Variants in ANKRD11 observed in about 807,000 individuals in gnomAD.
ANKRD11 encodes the protein ankyrin repeat domain 11, also known as ankyrin repeat domain-containing protein 11.
In ANKRD11, 17 loss-of-function variants were observed where a neutral mutation model predicts 195.7. That is an observed-to-expected ratio of 0.09 (90% CI 0.06 to 0.13). The LOEUF (loss-of-function observed/expected upper bound fraction) is 0.13. Ranked by LOEUF, ANKRD11 falls within the 10% of genes least tolerant of loss-of-function variation. ANKRD11 has a pLI of 1.00. For synonymous variants in ANKRD11, 1,953 were observed against 1,528.1 expected, an observed-to-expected ratio of 1.28 and a Z score of -6.49; for missense variants, 3,735 against 3,566.1, an observed-to-expected ratio of 1.05 and a Z score of -1.21.
At chr16:89,299,145 C>G (rs1235409489) in intron 4 of ANKRD11, 1 of 154,502 alleles carries the variant, frequency 6.5e-6, no homozygotes, top group African/African-American at 2.4e-5. Context: ...GGCAGAGAGT[C>G]AGGCTGTGGC....
chr16:89,447,127 C>T (rs2043828673), intron 1 of ANKRD11, among the ~76,000 whole-genome samples: 2 of 152,092 alleles, frequency 1.3e-5, no homozygotes, highest in Admixed American at 1.3e-4. Context: ...GCACGTCCAT[C>T]GTTCCAACTA....
chr16:89,400,927 T>A (rs551195396), intron 2 of ANKRD11, among the ~76,000 whole-genome samples: 1 of 152,214 alleles, frequency 6.6e-6, no homozygotes, highest in Non-Finnish European at 1.5e-5. Context: ...TCTCACAGGC[T>A]CCACCCTGCT....
chr16:89,445,992 A>AT (rs35107516), intron 1 of ANKRD11, among the ~76,000 whole-genome samples: 1 of 146,790 alleles, frequency 6.8e-6, no homozygotes, highest in Non-Finnish European at 1.5e-5. Context: ...AAAAAAAAAA[A>AT]TTTTTTGTTA....
intron 2 of ANKRD11, among the ~76,000 whole-genome samples, chr16:89,413,564 G>A (rs2042179477): frequency 6.6e-6 from 1 of 152,184 alleles, no homozygotes; most frequent in South Asian, 2.1e-4. Context: ...GGCGGAGCTT[G>A]CAGTGAGCCG....
At chr16:89,357,705 T>A (rs540881652) in intron 2 of ANKRD11, among the ~76,000 whole-genome samples, 13 of 152,122 alleles carry the variant, frequency 8.5e-5, no homozygotes, top group Non-Finnish European at 1.9e-4. Context: ...TCACAGCCAA[T>A]GCTGCGGACT....
In ANKRD11 at chr16:89,463,958, G is replaced by A. The variant is rs528279269; in HGVS notation, c.-145+26287C>T. Among the ~76,000 whole-genome samples the A allele has an allele frequency of 3.2e-4, 48 of 152,260 alleles. No individual in the cohort carries two copies. The East Asian group carries it at 7.9e-3, about 25-fold the overall frequency. ...AGTACTATTAGACCACAACGCTAAC[G>A]CCAGGCACAGTGGTTCACACCTGTA... On this transcript the variant is annotated intron_variant, in intron 1 of 12. Transcript: ENST00000301030.
chr16:89,402,934 C>T (rs1678650021), intron 2 of ANKRD11, among the ~76,000 whole-genome samples: 1 of 152,154 alleles, frequency 6.6e-6, no homozygotes, highest in Admixed American at 6.5e-5. Context: ...ACAAAGCAGG[C>T]AACCTAGCCT....
chr16:89,306,149 A>C (rs2036213909), intron 3 of ANKRD11, among the ~76,000 whole-genome samples: 1 of 83,984 alleles, frequency 1.2e-5, no homozygotes, highest in East Asian at 3.8e-4. Context: ...CACTCCGCAG[A>C]CACGCACCAC....
chr16:89,366,999 C>T (rs1384588072), intron 2 of ANKRD11, among the ~76,000 whole-genome samples: 2 of 152,244 alleles, frequency 1.3e-5, no homozygotes, highest in Non-Finnish European at 2.9e-5. Context: ...TTGCCAGCCC[C>T]TGGCCTGGAG....
chr16:89,487,243 AT>A (rs2057648597), intron 1 of ANKRD11, among the ~76,000 whole-genome samples: 1 of 152,220 alleles, frequency 6.6e-6, no homozygotes, highest in African/African-American at 2.4e-5. Flanking sequence ...ATACCTTGCT[AT>A]TAAGAGACAC....
intron 2 of ANKRD11, among the ~76,000 whole-genome samples, chr16:89,408,156 A>G (rs780635468): frequency 5.4e-4 from 83 of 152,308 alleles, no homozygotes; most frequent in Non-Finnish European, 1.1e-3. Context: ...TGGCCCCAGA[A>G]GGCTGCACTA....
chr16:89,457,523 G>A (rs901950622), intron 1 of ANKRD11, among the ~76,000 whole-genome samples: 2 of 150,964 alleles, frequency 1.3e-5, no homozygotes, highest in Non-Finnish European at 2.9e-5. Flanking sequence ...ACTTGAACCC[G>A]GGAGGCGGAG....
intron 1 of ANKRD11, among the ~76,000 whole-genome samples, chr16:89,445,617 T>A (rs903296744): frequency 3.3e-5 from 5 of 152,174 alleles, no homozygotes; most frequent in Non-Finnish European, 5.9e-5. Context: ...GACACCTGAA[T>A]TCTTACTCTG....
intron 4 of ANKRD11, among the ~76,000 whole-genome samples, chr16:89,295,210 C>T (rs138410493): frequency 8.2e-4 from 125 of 152,350 alleles, no homozygotes; most frequent in Non-Finnish European, 1.2e-3. Flanking sequence ...AGTCGGAACA[C>T]GGCCTGCAGG....
At chr16:89,393,511 A>G (rs1044260768) in intron 2 of ANKRD11, among the ~76,000 whole-genome samples, 18 of 88,642 alleles carry the variant, frequency 2.0e-4, no homozygotes, top group Non-Finnish European at 4.0e-4. Context: ...TTTTTTTTGT[A>G]TTTTTAATAA....
Position 89,397,510 on chromosome 16 carries a change from C to T in ANKRD11, c.-60+20774G>A, listed in dbSNP as rs1014713568. On this transcript the variant is annotated intron_variant, in intron 2 of 12. Coordinates refer to ENST00000301030, the MANE Select transcript of ANKRD11 (RefSeq NM_013275.6). Reference sequence around the variant, plus strand: ...GTGGCGGGCCTTGCTGCTATCCGCGCTCCTTTCTGTGCAGTCGTCCCTGAC... The same window carrying T: ...GTGGCGGGCCTTGCTGCTATCCGCGTTCCTTTCTGTGCAGTCGTCCCTGAC... Among the ~76,000 whole-genome samples, 4 of 152,240 alleles carry T rather than the reference C, an allele frequency of 2.6e-5. 1 individual carries two copies. The highest frequency in any genetic ancestry group is 4.1e-4 in the South Asian group (2 of 4,832).
chr16:89,275,994 G>A lies in ANKRD11; in HGVS notation c.7471-803C>T, dbSNP rs533655020. On this transcript the variant is annotated intron_variant, in intron 9 of 12. Coordinates refer to ENST00000301030, the MANE Select transcript of ANKRD11 (RefSeq NM_013275.6). ...CCAGAAAGCATGGCCGTGTGCTCGGGGCCACAGCAGTCGTACCAGGGCCAC... is the reference window on the plus strand; with the variant it reads ...CCAGAAAGCATGGCCGTGTGCTCGGAGCCACAGCAGTCGTACCAGGGCCAC... Among the ~76,000 whole-genome samples, 200 of 152,348 alleles carry A rather than the reference G, an allele frequency of 1.3e-3. 1 individual carries two copies. Among genetic ancestry groups the A allele is most frequent in the African/African-American group, 4.5e-3 (187 of 41,588 alleles).
chr16:89,358,867 C>A (rs1159613642), intron 2 of ANKRD11, among the ~76,000 whole-genome samples: 1 of 152,014 alleles, frequency 6.6e-6, no homozygotes, highest in Non-Finnish European at 1.5e-5. Flanking sequence ...CCTCTGCTGC[C>A]CAGGCTGGAG....
rs1250431677 is a variant in ANKRD11 at position 89,280,190 on chromosome 16, C to T, written c.6352G>A (p.Val2118Met). 6.2e-7 allele frequency: 1 copy of T among 1,608,706 alleles called. No individual in the cohort carries two copies. The highest frequency in any genetic ancestry group is 1.3e-5 in the African/African-American group (1 of 75,020). The stretch of plus-strand genomic sequence containing the variant: ...CCGGCGAAGGCGTCCGCCCAGGGCA[C>T]CGGCTCCACCTGGCCGAGGTGAGAC... Reference protein sequence around the residue: ...GLSHLGQVEPVPWADAFAGPE... With the variant: ...GLSHLGQVEPMPWADAFAGPE... Residue 2118 changes from valine (V) to methionine (M), a missense_variant, in exon 9 of 13, where the codon GTG becomes ATG. Physicochemically the swap from Val to Met is conservative, Grantham distance 21. Coordinates refer to ENST00000301030, the MANE Select transcript of ANKRD11 (RefSeq NM_013275.6).
Sources: gnomAD v4.1 joint callset for allele counts (sites outside exome capture counted in the v4.1 genomes callset) on GRCh38, gnomAD v4.1.1 for gene constraint, MANE v1.5 for transcripts, NCBI Gene and HGNC (gene_info 2026-07-23, HGNC 2026-07-21) for gene names.